Variants in PCDHGA1 observed in about 807,000 individuals in gnomAD.
PCDHGA1 encodes the protein protocadherin gamma subfamily A, 1.
In PCDHGA1, 32 loss-of-function variants were observed where a neutral mutation model predicts 58.0. The observed-to-expected ratio is 0.55, with a 90% CI of 0.42 to 0.74. The LOEUF is 0.74. Among genes scored for constraint, PCDHGA1 ranks in the 30% least tolerant of loss-of-function variants. The pLI, the probability that PCDHGA1 is intolerant of heterozygous loss-of-function variation, is 0.00. For missense variants in PCDHGA1, 1,205 were observed against 1,182.3 expected, an observed-to-expected ratio of 1.02 and a Z score of -0.28; for synonymous variants, 498 against 501.1, an observed-to-expected ratio of 0.99 and a Z score of 0.08.
intron 1 of PCDHGA1, among the ~76,000 whole-genome samples, chr5:141,380,761 A>G (rs952416806): frequency 6.6e-6 from 1 of 152,224 alleles, no homozygotes; most frequent in African/African-American, 2.4e-5. Flanking sequence ...GACACTATAA[A>G]TTAATTGAGA....
chr5:141,402,563 T>C (rs2094279860), intron 1 of PCDHGA1, among the ~76,000 whole-genome samples: 1 of 152,232 alleles, frequency 6.6e-6, no homozygotes, highest in African/African-American at 2.4e-5. Flanking sequence ...TTCCACTTTA[T>C]TTACAACTCA....
chr5:141,370,449 C>G, intron 1 of PCDHGA1: 1 of 1,608,694 alleles, frequency 6.2e-7, no homozygotes, highest in East Asian at 2.2e-5. Flanking sequence ...AATGCTATTT[C>G]TCTTCCTGCT....
chr5:141,413,967 G>C, intron 1 of PCDHGA1: 15 of 1,613,428 alleles, frequency 9.3e-6, no homozygotes, highest in Non-Finnish European at 1.2e-5. Context: ...TGGGCACTCA[G>C]CTGCTGACAG....
intron 1 of PCDHGA1, chr5:141,356,164 C>T (rs1760136427): frequency 6.2e-7 from 1 of 1,612,932 alleles, no homozygotes; most frequent in Non-Finnish European, 8.5e-7. Flanking sequence ...TGTAGAAGCC[C>T]ATGATGGGCC....
intron 1 of PCDHGA1, chr5:141,333,674 T>C (rs1756478862): frequency 6.5e-6 from 1 of 154,570 alleles, no homozygotes; most frequent in South Asian, 2.0e-4. Flanking sequence ...TTGTTGAATA[T>C]TTTAGCCTTT....
intron 3 of PCDHGA1, 31 bp downstream of exon 3, chr5:141,505,512 T>C (rs754223095): frequency 6.2e-7 from 1 of 1,613,676 alleles, no homozygotes; most frequent in South Asian, 1.1e-5. Context: ...TATGGAAGAG[T>C]GGGAGACCTG....
rs961341807 is a variant in PCDHGA1 at position 141,486,262 on chromosome 5, A to G, written c.2422-8545A>G. The G allele has an allele frequency of 6.2e-6, 10 of 1,613,912 alleles. No individual in the cohort carries two copies. Among genetic ancestry groups the G allele is most frequent in the Non-Finnish European group, 8.5e-6 (10 of 1,179,986 alleles). On this transcript the variant is annotated intron_variant, in intron 1 of 3. Transcript: ENST00000517417. This position sits in a 1 kb window ranked among gnomAD's most constrained non-coding sequence, Gnocchi z 5.0. ...AGCTTGGAACCCTCCCCGAGAGTGC[A>G]GAACCTGGCACTGTGGTGGCACTTA...
In PCDHGA1 at chr5:141,477,806, G is replaced by T; in HGVS notation, c.2422-17001G>T. ...ATTTGTCACTGATCGCAATGACAAT[G>T]CCCCCCAGGTCCTATATCCTCGGCC... On this transcript the variant is annotated intron_variant, in intron 1 of 3. Coordinates refer to ENST00000517417, the MANE Select transcript of PCDHGA1 (RefSeq NM_018912.3). The surrounding 1 kb of genome is among the most constrained non-coding windows in gnomAD (Gnocchi z 4.9). 6.2e-7 allele frequency: 1 copy of T among 1,614,118 alleles called. No homozygotes were observed. The highest frequency in any genetic ancestry group is 8.5e-7 in the Non-Finnish European group (1 of 1,180,036).
intron 1 of PCDHGA1, chr5:141,418,509 G>T: frequency 6.2e-7 from 1 of 1,613,986 alleles, no homozygotes; most frequent in Non-Finnish European, 8.5e-7. Flanking sequence ...GCCTTAGATG[G>T]TGGGGACCCT....
At chr5:141,385,964 C>T (rs1037246180) in intron 1 of PCDHGA1, 2 of 152,126 alleles carry the variant, frequency 1.3e-5, no homozygotes, top group South Asian at 2.1e-4. Context: ...TAAAGGCCAT[C>T]GGACAAAACC....
In PCDHGA1 at chr5:141,344,406, G is replaced by T. The variant is rs781733896; in HGVS notation, c.2421+11301G>T. Reference sequence around the variant, plus strand: ...TTTTGAAGTAGAAATAGAAATTAAAGATATTAATGATAATGCTCCTAATTT... The same window carrying T: ...TTTTGAAGTAGAAATAGAAATTAAATATATTAATGATAATGCTCCTAATTT... On this transcript the variant is annotated intron_variant, in intron 1 of 3. Coordinates refer to ENST00000517417, the MANE Select transcript of PCDHGA1 (RefSeq NM_018912.3). The T allele has an allele frequency of 1.9e-6, 3 of 1,611,194 alleles. No homozygotes were observed. In the South Asian group the frequency reaches 3.3e-5, roughly 18 times the overall value.
At chr5:141,460,341 C>T (rs557699438) in intron 1 of PCDHGA1, among the ~76,000 whole-genome samples, 39 of 152,110 alleles carry the variant, frequency 2.6e-4, no homozygotes, top group Admixed American at 2.4e-3. Flanking sequence ...ATGATTTTCT[C>T]CTATATTTTC....
chr5:141,405,995 A>T (rs985162414), intron 1 of PCDHGA1, among the ~76,000 whole-genome samples: 1 of 151,964 alleles, frequency 6.6e-6, no homozygotes. Context: ...GGTAGCTCTC[A>T]GCCTGCATTG....
intron 1 of PCDHGA1, chr5:141,364,623 A>C: frequency 1.2e-6 from 2 of 1,614,178 alleles, no homozygotes; most frequent in Non-Finnish European, 1.7e-6. Flanking sequence ...CTCTGCGCTC[A>C]GAGCCCACTG....
At chr5:141,341,105 C>T (rs760152915) in intron 1 of PCDHGA1, 3 of 1,614,244 alleles carry the variant, frequency 1.9e-6, no homozygotes, top group Admixed American at 3.3e-5. Context: ...CATCGTGTTG[C>T]TGGCGCACAG....
intron 1 of PCDHGA1, among the ~76,000 whole-genome samples, chr5:141,347,760 T>C (rs1758011883): frequency 1.4e-5 from 2 of 147,558 alleles, no homozygotes; most frequent in Non-Finnish European, 3.0e-5. Context: ...GCACTCCAGC[T>C]GGGGCAATAG....
At chr5:141,358,180 C>A (rs769870825) in intron 1 of PCDHGA1, among the ~76,000 whole-genome samples, 15 of 152,104 alleles carry the variant, frequency 9.9e-5, no homozygotes, top group Non-Finnish European at 1.9e-4. Context: ...ACAGAGCAAG[C>A]CTCTGTCTCC....
rs1446843042 is a variant in PCDHGA1 at position 141,332,807 on chromosome 5, T to C, written c.2123T>C (p.Val708Ala). 3 of 1,614,076 alleles carry C rather than the reference T, an allele frequency of 1.9e-6. No homozygotes were observed. Among genetic ancestry groups the C allele is most frequent in the Non-Finnish European group, 1.7e-6 (2 of 1,180,030 alleles). The change falls in exon 1 of 4, where the codon GTC (valine) becomes GCC (alanine). Residue 708 changes from valine (V) to alanine (A), a missense_variant. Val to Ala is a moderately conservative substitution (Grantham distance 64, BLOSUM62 0). Transcript: ENST00000517417. This position sits in a 1 kb window ranked among gnomAD's most constrained non-coding sequence, Gnocchi z 4.6. ...GTCTCCTGCGTCTTCCTGGCCTTCG[T>C]CATCGTGCTGCTGGCGCACAGGCTG... ...AAVSCVFLAF[V>A]IVLLAHRLRR...
chr5:141,339,321 A>G (rs1358386511), intron 1 of PCDHGA1: 2 of 1,614,274 alleles, frequency 1.2e-6, no homozygotes, highest in Non-Finnish European at 1.7e-6. Flanking sequence ...TTGACTATTT[A>G]TTCAGTAGAG....
Sources: gnomAD v4.1 joint callset for allele counts (sites outside exome capture counted in the v4.1 genomes callset) on GRCh38, gnomAD v4.1.1 for gene constraint, Gnocchi (gnomAD v3.1) non-coding constraint, MANE v1.5 for transcripts, NCBI Gene and HGNC (gene_info 2026-07-23, HGNC 2026-07-21) for gene names.